The following CCDC6 variants were observed in gnomAD, a reference collection of about 807,000 sequenced individuals.
CCDC6 encodes the protein coiled-coil domain containing 6, also known as coiled-coil domain-containing protein 6.
In CCDC6, 20 loss-of-function variants were observed where a neutral mutation model predicts 56.6. The observed-to-expected ratio is 0.35, with a 90% CI of 0.25 to 0.51. The LOEUF (loss-of-function observed/expected upper bound fraction) is 0.51. Ranked by LOEUF, CCDC6 falls within the 20% of genes least tolerant of loss-of-function variation. CCDC6 has a pLI of 0.95. For missense variants in CCDC6, 367 were observed against 601.1 expected, an observed-to-expected ratio of 0.61 and a Z score of 4.07; for synonymous variants, 241 against 234.4, an observed-to-expected ratio of 1.03 and a Z score of -0.26.
chr10:59,795,492 CTTTAAG>C (rs1013855790), intron 7 of CCDC6, among the ~76,000 whole-genome samples: 8 of 143,678 alleles, frequency 5.6e-5, no homozygotes, highest in African/African-American at 2.1e-4. Context: ...TATTATTATA[CTTTAAG>C]TTTTAGGGTA....
At chr10:59,838,346 G>A (rs186142808) in intron 2 of CCDC6, among the ~76,000 whole-genome samples, 1 of 151,996 alleles carries the variant, frequency 6.6e-6, no homozygotes, top group Non-Finnish European at 1.5e-5. Context: ...ATCTCCCCAG[G>A]TCCACTGTAG....
At chr10:59,814,009 A>G (rs1167299611) in intron 4 of CCDC6, among the ~76,000 whole-genome samples, 2 of 152,278 alleles carry the variant, frequency 1.3e-5, no homozygotes, top group Admixed American at 6.5e-5. Flanking sequence ...CACATTCCAC[A>G]TACAGAATCT....
At chr10:59,879,101 G>C (rs1564755003) in intron 1 of CCDC6, among the ~76,000 whole-genome samples, 1 of 152,150 alleles carries the variant, frequency 6.6e-6, no homozygotes, top group Non-Finnish European at 1.5e-5. Flanking sequence ...CAGGTAAGGA[G>C]TGAAGGGTCA....
intron 5 of CCDC6, among the ~76,000 whole-genome samples, chr10:59,812,035 C>T (rs1589037588): frequency 7.3e-6 from 1 of 136,886 alleles, no homozygotes; most frequent in East Asian, 2.2e-4. Context: ...ACTGAATTAT[C>T]TGTTCAAAAA....
intron 1 of CCDC6, among the ~76,000 whole-genome samples, chr10:59,885,743 G>C (rs560389560): frequency 1.7e-4 from 26 of 152,264 alleles, no homozygotes; most frequent in African/African-American, 6.0e-4. Flanking sequence ...CTCCAAAAAA[G>C]ATATACAGGG....
chr10:59,850,873 T>C (rs2071032971), intron 2 of CCDC6, among the ~76,000 whole-genome samples: 1 of 152,142 alleles, frequency 6.6e-6, no homozygotes, highest in African/African-American at 2.4e-5. Context: ...GCTGTTGCAT[T>C]ATGTGCTTAT....
chr10:59,869,489 G>C (rs1187561827), intron 1 of CCDC6, among the ~76,000 whole-genome samples: 1 of 149,940 alleles, frequency 6.7e-6, no homozygotes, highest in African/African-American at 2.5e-5. Flanking sequence ...AGTAAGCCTT[G>C]GTTTTCTTTC....
intron 3 of CCDC6, among the ~76,000 whole-genome samples, chr10:59,831,414 C>T (rs1255014850): frequency 6.6e-6 from 1 of 152,174 alleles, no homozygotes; most frequent in Non-Finnish European, 1.5e-5. Flanking sequence ...TCCCTTCAAA[C>T]CTTGCAGCAC....
chr10:59,885,689 C>T (rs868211848), intron 1 of CCDC6, among the ~76,000 whole-genome samples: 21 of 152,270 alleles, frequency 1.4e-4, no homozygotes, highest in Middle Eastern at 3.4e-3. Flanking sequence ...ATAGCCTCTT[C>T]CCTGGGCCCA....
chr10:59,862,963 T>C (rs2071147242), intron 1 of CCDC6, among the ~76,000 whole-genome samples: 1 of 152,072 alleles, frequency 6.6e-6, no homozygotes, highest in South Asian at 2.1e-4. Flanking sequence ...TTAAATAAAA[T>C]ACTGGAAACA....
chr10:59,795,310 T>G (rs2070504651), intron 7 of CCDC6, among the ~76,000 whole-genome samples: 1 of 151,918 alleles, frequency 6.6e-6, no homozygotes, highest in South Asian at 2.1e-4. Flanking sequence ...CACAGAGAAC[T>G]TGAATACACA....
intron 1 of CCDC6, among the ~76,000 whole-genome samples, chr10:59,867,787 C>T (rs1020451184): frequency 3.2e-4 from 48 of 152,068 alleles, no homozygotes; most frequent in Admixed American, 1.0e-3. Flanking sequence ...AGGCTGGTCT[C>T]GAACTCCCGG....
At chr10:59,862,516 T>TATATATATATATATATACACAC (rs1554886091) in intron 1 of CCDC6, among the ~76,000 whole-genome samples, 6 of 97,192 alleles carry the variant, frequency 6.2e-5, no homozygotes, top group Non-Finnish European at 9.5e-5. Flanking sequence ...TATATATATA[T>TATATATATATATATATACACAC]ACACACACAC....
chr10:59,799,243 CA>C (rs1254242162), intron 7 of CCDC6, among the ~76,000 whole-genome samples: 6 of 151,802 alleles, frequency 4.0e-5, no homozygotes, highest in Admixed American at 3.9e-4. Context: ...CCAGCCTGGT[CA>C]ACACGGTGAA....
chr10:59,796,247 A>G (rs1278311187), intron 7 of CCDC6, among the ~76,000 whole-genome samples: 1 of 150,066 alleles, frequency 6.7e-6, no homozygotes, highest in Non-Finnish European at 1.5e-5. Flanking sequence ...GCATTTTTTC[A>G]TGTGTTTTTT....
At chr10:59,812,839 T>C in intron 4 of CCDC6, 44 bp from the exon 5 acceptor site, 1 of 1,464,890 alleles carries the variant, frequency 6.8e-7, no homozygotes, top group Non-Finnish European at 9.4e-7. Flanking sequence ...ACAGTTTTCC[T>C]TGAAAAGACA....
chr10:59,903,970 T>G (rs2071523144), intron 1 of CCDC6, among the ~76,000 whole-genome samples: 2 of 152,224 alleles, frequency 1.3e-5, no homozygotes, highest in Non-Finnish European at 2.9e-5. Context: ...GGAATCTGTT[T>G]TCTGCATTTA....
intron 7 of CCDC6, among the ~76,000 whole-genome samples, chr10:59,795,520 T>C (rs12146355): frequency 6.6e-6 from 1 of 151,832 alleles, no homozygotes; most frequent in East Asian, 1.9e-4. Flanking sequence ...ATGTGCACAA[T>C]GTGCAGGTTA....
intron 1 of CCDC6, among the ~76,000 whole-genome samples, chr10:59,890,752 T>G (rs2071416034): frequency 6.6e-6 from 1 of 152,168 alleles, no homozygotes; most frequent in Admixed American, 6.5e-5. Context: ...ATTATTATAC[T>G]TTAAGTTCTA....
Sources: gnomAD v4.1 joint callset for allele counts (sites outside exome capture counted in the v4.1 genomes callset) on GRCh38, gnomAD v4.1.1 for gene constraint, MANE v1.5 for transcripts, NCBI Gene and HGNC (gene_info 2026-07-23, HGNC 2026-07-21) for gene names.